DHX9: variants seen among roughly 807,000 people sequenced by gnomAD.
The protein encoded by DHX9 is ATP-dependent RNA helicase A.
In DHX9, 27 loss-of-function variants were observed where a neutral mutation model predicts 148.7. That is an observed-to-expected ratio of 0.18 (90% CI 0.13 to 0.25). The LOEUF (loss-of-function observed/expected upper bound fraction) is 0.25, where lower values mean the gene tolerates loss of function less well. DHX9 is among the 10% of genes least tolerant of loss of function. The probability of loss-of-function intolerance (pLI) is 1.00; values close to 1 mark genes in which losing one functional copy is unlikely to be tolerated. For synonymous variants in DHX9, 529 were observed against 516.6 expected (o/e 1.02, Z -0.33); for missense variants, 796 against 1,559.6 (o/e 0.51, Z 8.25).
intron 16 of DHX9, among the ~76,000 whole-genome samples, chr1:182,875,680 C>G (rs1648730762): frequency 6.6e-6 from 1 of 152,014 alleles, no homozygotes; most frequent in African/African-American, 2.4e-5. Flanking sequence ...AGAAAAAGAC[C>G]AATTGCAACA....
intron 24 of DHX9, among the ~76,000 whole-genome samples, chr1:182,882,880 A>AAT (rs200183503): frequency 6.6e-6 from 1 of 150,490 alleles, no homozygotes; most frequent in Non-Finnish European, 1.5e-5. Context: ...AAAAAAAAAA[A>AAT]GTAATCACCC....
chr1:182,847,475 C>A (rs1668053635), intron 3 of DHX9, among the ~76,000 whole-genome samples: 1 of 152,170 alleles, frequency 6.6e-6, no homozygotes, highest in Non-Finnish European at 1.5e-5. Flanking sequence ...GTTTTCTGAT[C>A]ATTTAGGACA....
At chr1:182,853,980 T>G (rs1391278369) in intron 5 of DHX9, 50 bp from the exon 6 acceptor site, 3 of 1,567,998 alleles carry the variant, frequency 1.9e-6, no homozygotes, top group South Asian at 2.3e-5. Context: ...GTGCCTTGTT[T>G]GTATACCTAA....
chr1:182,849,013 A>G (rs551704352), intron 3 of DHX9, among the ~76,000 whole-genome samples: 6 of 152,280 alleles, frequency 3.9e-5, no homozygotes, highest in Admixed American at 6.5e-5. Context: ...ACCAGGCCCT[A>G]CCTCCAACAT....
At chr1:182,853,066 A>G (rs769999188) in intron 4 of DHX9, among the ~76,000 whole-genome samples, 11 of 146,796 alleles carry the variant, frequency 7.5e-5, no homozygotes, top group African/African-American at 2.9e-4. Context: ...AGCTGGGATT[A>G]CAGGCATATG....
chr1:182,873,537 G>A (rs1243068025), intron 15 of DHX9, among the ~76,000 whole-genome samples: 8 of 152,186 alleles, frequency 5.3e-5, no homozygotes, highest in Non-Finnish European at 1.0e-4. Flanking sequence ...TTACTACTAG[G>A]AAGAGAAGTT....
In DHX9 at chr1:182,875,916, T is replaced by C. The variant is rs537266251; in HGVS notation, c.1816-134T>C. On this transcript the variant is annotated intron_variant, in intron 16 of 27. Coordinates refer to ENST00000367549, the MANE Select transcript of DHX9 (RefSeq NM_001357.5). The stretch of plus-strand genomic sequence containing the variant: ...TTTTGGAAATTAAATTTCTTCTGTA[T>C]TCTATAGTGTGTGACTAGTCAACTA... 5.5e-4 allele frequency: 386 copies of C among 698,726 alleles called. 1 individual carries two copies. In the African/African-American group the frequency reaches 6.5e-3, roughly 12 times the overall value. The allele number at this position is 698,726 out of a possible 1,614,324, so 43.3% of individuals were successfully genotyped here. A position where few individuals can be genotyped will look rare whatever the true frequency, so the allele number is the denominator to read the frequency against.
intron 12 of DHX9, among the ~76,000 whole-genome samples, chr1:182,861,770 A>G (rs998822870): frequency 6.6e-6 from 1 of 152,206 alleles, no homozygotes; most frequent in African/African-American, 2.4e-5. Context: ...TATAACTCAT[A>G]TTGCATCTAC....
At chr1:182,879,904 T>C (rs1366262934) in intron 21 of DHX9, among the ~76,000 whole-genome samples, 2 of 152,080 alleles carry the variant, frequency 1.3e-5, no homozygotes, top group Admixed American at 6.6e-5. Context: ...TTTTATATTT[T>C]ACTAAGACAG....
rs1648839233 is a variant in DHX9, at chr1:182,877,100, A to G, written c.2198+197A>G. ...TTGATTACTGCAAATCAGTTACGGTAGAAAGTGACAAAGCTTGAAACTGTA... is the reference window on the plus strand; with the variant it reads ...TTGATTACTGCAAATCAGTTACGGTGGAAAGTGACAAAGCTTGAAACTGTA... On this transcript the variant is annotated intron_variant, in intron 19 of 27. Transcript: ENST00000367549. 6.3e-6 allele frequency: 3 copies of G among 478,856 alleles called. No homozygotes were observed. In the East Asian group the frequency reaches 1.0e-4, roughly 17 times the overall value. 29.7% of individuals were successfully genotyped at this position (478,856 alleles called of 1,614,324 possible). A position where few individuals can be genotyped will look rare whatever the true frequency, so the allele number is the denominator to read the frequency against.
In DHX9 at chr1:182,853,786, AGTT is replaced by A. The variant is rs1444236372; in HGVS notation, c.478-241_478-239del. 2.6e-5 allele frequency among the ~76,000 whole-genome samples: 4 copies of A among 151,682 alleles called. No homozygotes were observed. The East Asian group carries it at 7.7e-4, about 29-fold the overall frequency. On this transcript the variant is annotated intron_variant, in intron 5 of 27. Coordinates refer to ENST00000367549, the MANE Select transcript of DHX9 (RefSeq NM_001357.5). ...TTCAGTGTTAAAACAAGCACAAAGA[AGTT>A]GTCATTTTTTTTTTTTGGAAGAATT...
In DHX9 at chr1:182,853,309, ATAAT is replaced by A; in HGVS notation, c.370_373del (p.Asn124LeufsTer3). 6.2e-7 allele frequency: 1 copy of A among 1,605,904 alleles called. No individual in the cohort carries two copies. Among genetic ancestry groups the A allele is most frequent in the Non-Finnish European group, 8.5e-7 (1 of 1,176,994 alleles). On this transcript the variant is annotated frameshift_variant, in exon 5 of 28. Transcript: ENST00000367549. LOFTEE classifies it high-confidence loss of function. ...AGAATTTTTTTTCTTTTAACAGAAA[ATAAT>A]TCTGAGGTAGGGGCCTCTGGCTATG...
At chr1:182,879,020 C>T (rs1648958792) in intron 20 of DHX9, among the ~76,000 whole-genome samples, 2 of 152,210 alleles carry the variant, frequency 1.3e-5, no homozygotes. Flanking sequence ...CATTTTTCTT[C>T]TCAGCCTAAA....
chr1:182,840,880 G>T (rs570567110), intron 1 of DHX9, among the ~76,000 whole-genome samples: 15 of 152,350 alleles, frequency 9.8e-5, no homozygotes, highest in Middle Eastern at 3.4e-3. Flanking sequence ...AAATGTAGGG[G>T]TAGGGTGTTG....
intron 1 of DHX9, 39 bp downstream of exon 1, chr1:182,839,495 G>C (rs1667871571): frequency 6.5e-6 from 1 of 153,634 alleles, no homozygotes; most frequent in South Asian, 1.8e-4. Context: ...CGGGGCGGCG[G>C]GGTCGCGGGC....
chr1:182,855,288 C>T (rs917558999), intron 6 of DHX9, among the ~76,000 whole-genome samples: 1 of 152,094 alleles, frequency 6.6e-6, no homozygotes, highest in Non-Finnish European at 1.5e-5. Context: ...AATGAGATAC[C>T]GAAGTGTGCC....
At chr1:182,862,747 C>G (rs1253049990) in intron 12 of DHX9, among the ~76,000 whole-genome samples, 1 of 152,134 alleles carries the variant, frequency 6.6e-6, no homozygotes, top group Non-Finnish European at 1.5e-5. Context: ...GAAGAAATTG[C>G]TGTAGTTCTG....
intron 3 of DHX9, among the ~76,000 whole-genome samples, chr1:182,846,310 T>C (rs983510602): frequency 6.6e-6 from 1 of 151,710 alleles, no homozygotes; most frequent in Non-Finnish European, 1.5e-5. Flanking sequence ...TGATCTCGGC[T>C]CACCGCCACC....
rs1399307909 is a variant in DHX9, at chr1:182,886,967, A to G, written c.3462-116A>G. On this transcript the variant is annotated intron_variant, in intron 27 of 27. Transcript: ENST00000367549. ...ATTTTATTTCAATTTCTATTTGTGC[A>G]TTTGGCTTCATTCCCTTTATTAAAT... is the stretch of plus-strand genomic sequence containing the variant. The G allele has an allele frequency of 1.0e-5, 9 of 872,146 alleles. No individual in the cohort carries two copies. The African/African-American group carries it at 1.5e-4, about 15-fold the overall frequency. The allele number at this position is 872,146 out of a possible 1,614,324, so 54.0% of individuals were successfully genotyped here. A position where few individuals can be genotyped will look rare whatever the true frequency, so the allele number is the denominator to read the frequency against.
Sources: allele counts gnomAD v4.1 joint callset (sites outside exome capture counted in the v4.1 genomes callset), GRCh38; gene constraint gnomAD v4.1.1; transcripts MANE v1.5; gene names NCBI Gene and HGNC (gene_info 2026-07-23, HGNC 2026-07-21).